UACA: variants seen among roughly 807,000 people sequenced by gnomAD.
UACA encodes the protein uveal autoantigen with coiled-coil domains and ankyrin repeats.
UACA carries 112 observed loss-of-function variants against 160.5 expected under a neutral mutation model. That is an observed-to-expected ratio of 0.70 (90% CI 0.60 to 0.82). The LOEUF (loss-of-function observed/expected upper bound fraction) is 0.82. UACA is among the 40% of genes least tolerant of loss of function. The probability of loss-of-function intolerance (pLI) is 0.00; values close to 1 mark genes in which losing one functional copy is unlikely to be tolerated. For missense variants in UACA, 1,574 were observed against 1,614.6 expected, an observed-to-expected ratio of 0.97 and a Z score of 0.43; for synonymous variants, 557 against 568.4, an observed-to-expected ratio of 0.98 and a Z score of 0.29.
At chr15:70,690,057 T>TAA (rs1897873057) in intron 5 of UACA, among the ~76,000 whole-genome samples, 1 of 152,148 alleles carries the variant, frequency 6.6e-6, no homozygotes, top group African/African-American at 2.4e-5. Context: ...TCAGACATGT[T>TAA]AATTAGGTAA....
In UACA at chr15:70,657,005, A is replaced by C; in HGVS notation, c.*51T>G. 3 of 1,473,662 alleles carry C rather than the reference A, an allele frequency of 2.0e-6. No homozygotes were observed. The highest frequency in any genetic ancestry group is 2.8e-6 in the Non-Finnish European group (3 of 1,052,870). The allele number at this position is 1,473,662 out of a possible 1,614,324, so 91.3% of individuals were successfully genotyped here. The stretch of plus-strand genomic sequence containing the variant: ...AGAAAGACCATGGAGTTGCACAAAG[A>C]ATGTTCAGCACCAGCAAGATAAAAC... On this transcript the variant is annotated 3_prime_UTR_variant, in exon 19 of 19. Transcript: ENST00000322954.
rs922431606 is a variant in UACA, at chr15:70,656,957, A to G, written c.*99T>C. 1.2e-6 allele frequency: 1 copy of G among 828,368 alleles called. No individual in the cohort carries two copies. The highest frequency in any genetic ancestry group is 2.8e-5 in the Admixed American group (1 of 35,876). 51.3% of individuals were successfully genotyped at this position (828,368 alleles called of 1,614,324 possible). ...ATAGAACAAAATATATTTTATTTTA[A>G]TTATACCAGCACAGTAAGGCCCAGA... is the stretch of plus-strand genomic sequence containing the variant. On this transcript the variant is annotated 3_prime_UTR_variant, in exon 19 of 19. Transcript: ENST00000322954.
chr15:70,724,155 A>G (rs1899080043), intron 1 of UACA, among the ~76,000 whole-genome samples: 1 of 152,234 alleles, frequency 6.6e-6, no homozygotes, highest in African/African-American at 2.4e-5. Context: ...TTGTCTACAT[A>G]GAGTAGGCAC....
chr15:70,682,543 T>C (rs150285400), intron 9 of UACA, among the ~76,000 whole-genome samples: 2 of 152,270 alleles, frequency 1.3e-5, no homozygotes, highest in East Asian at 1.9e-4. Flanking sequence ...GATACCTTCA[T>C]TGAAACTGAG....
intron 1 of UACA, among the ~76,000 whole-genome samples, chr15:70,750,011 G>A (rs905279190): frequency 6.6e-6 from 1 of 152,128 alleles, no homozygotes; most frequent in Non-Finnish European, 1.5e-5. Context: ...AAATCACAAG[G>A]GGCTAGCAGG....
At chr15:70,660,384 A>G (rs1896664852) in intron 17 of UACA, 168 bp from the exon 18 acceptor site, 1 of 544,432 alleles carries the variant, frequency 1.8e-6, no homozygotes, top group East Asian at 3.1e-5. Flanking sequence ...TCAAAACGTA[A>G]CAATATAAAC....
intron 1 of UACA, among the ~76,000 whole-genome samples, chr15:70,707,795 G>A (rs921824306): frequency 1.3e-5 from 2 of 152,158 alleles, no homozygotes; most frequent in Non-Finnish European, 2.9e-5. Flanking sequence ...GCAAGAATGT[G>A]TAGAAATTAG....
At chr15:70,684,473 G>C (rs1278265500) in intron 7 of UACA, 27 bp from the exon 8 acceptor site, 1 of 1,584,058 alleles carries the variant, frequency 6.3e-7, no homozygotes, top group African/African-American at 1.4e-5. Flanking sequence ...AAGAGCAAAA[G>C]ACTGAGAAAA....
chr15:70,766,890 G>T (rs377422485), upstream of UACA, among the ~76,000 whole-genome samples: 2 of 152,174 alleles, frequency 1.3e-5, no homozygotes, highest in South Asian at 4.1e-4. Context: ...TGATAACTCA[G>T]ATGATGATAA....
upstream of UACA, among the ~76,000 whole-genome samples, chr15:70,765,105 A>G (rs2030973807): frequency 6.6e-6 from 1 of 152,182 alleles, no homozygotes; most frequent in Admixed American, 6.5e-5. Context: ...TTCTCTAGCC[A>G]ACACCCCAAG....
chr15:70,728,054 G>C (rs961785015), intron 1 of UACA, among the ~76,000 whole-genome samples: 36 of 152,106 alleles, frequency 2.4e-4, no homozygotes, highest in African/African-American at 7.5e-4. Context: ...ACAGAAGATA[G>C]AACCCAGAAA....
chr15:70,686,880 T>C (rs553640880), intron 7 of UACA, among the ~76,000 whole-genome samples: 10 of 152,300 alleles, frequency 6.6e-5, no homozygotes, highest in African/African-American at 1.9e-4. Context: ...AACTTCAGAA[T>C]TGTAATACAA....
intron 16 of UACA, among the ~76,000 whole-genome samples, chr15:70,666,489 C>T (rs993908294): frequency 6.6e-6 from 1 of 152,210 alleles, no homozygotes; most frequent in African/African-American, 2.4e-5. Context: ...AGCCTTAAGT[C>T]TCCCCATCGT....
chr15:70,687,448 G>T, intron 7 of UACA, 92 bp downstream of exon 7: 2 of 1,212,192 alleles, frequency 1.6e-6, no homozygotes, highest in East Asian at 2.3e-5. Context: ...AGGAAAGAAA[G>T]GCCAAGTCAG....
chr15:70,773,719 G>A, the UACA span, among the ~76,000 whole-genome samples: 2 of 152,148 alleles, frequency 1.3e-5, no homozygotes, highest in South Asian at 2.1e-4. Context: ...GACTTTACAG[G>A]GAGATGGGCA....
In UACA at chr15:70,678,131, T is replaced by C; in HGVS notation, c.967A>G (p.Lys323Glu). Residue 323 changes from lysine (K) to glutamate (E), a missense_variant, in exon 11 of 19, where the codon AAA becomes GAA. Physicochemically the swap from Lys to Glu is moderately conservative, Grantham distance 56. Transcript: ENST00000322954. ...IQQEQRILLD[K>E]VNGLQLQLNE... is the part of the protein sequence containing the mutation. ...AGCTGTAACTGTAAACCATTGACTT[T>C]ATCCAAAAGTATTCTTTGTTCTTGC... The C allele has an allele frequency of 6.2e-7, 1 of 1,609,028 alleles. No homozygotes were observed. Among genetic ancestry groups the C allele is most frequent in the Non-Finnish European group, 8.5e-7 (1 of 1,178,760 alleles).
At chr15:70,659,023 T>C (rs1357066634) in intron 18 of UACA, among the ~76,000 whole-genome samples, 2 of 152,198 alleles carry the variant, frequency 1.3e-5, no homozygotes, top group African/African-American at 4.8e-5. Context: ...GAGCAACCTC[T>C]TCCTCTCATG....
intron 7 of UACA, among the ~76,000 whole-genome samples, chr15:70,685,067 A>G (rs893965420): frequency 6.6e-6 from 1 of 152,166 alleles, no homozygotes; most frequent in Non-Finnish European, 1.5e-5. Flanking sequence ...CTCCAAGAGA[A>G]GTATCAGATT....
chr15:70,659,906 G>A (rs970990105), intron 18 of UACA, among the ~76,000 whole-genome samples: 1 of 152,010 alleles, frequency 6.6e-6, no homozygotes, highest in African/African-American at 2.4e-5. Context: ...TTACCAAACT[G>A]TCTATAAACT....
Sources: gnomAD v4.1 joint callset for allele counts (sites outside exome capture counted in the v4.1 genomes callset) on GRCh38, gnomAD v4.1.1 for gene constraint, MANE v1.5 for transcripts, NCBI Gene and HGNC (gene_info 2026-07-23, HGNC 2026-07-21) for gene names.